The following SLC6A6 variants were observed in gnomAD, a reference collection of about 807,000 sequenced individuals.
The protein encoded by SLC6A6 is solute carrier family 6 member 6.
Under a neutral mutation model 68.8 loss-of-function variants are expected in SLC6A6, and 16 were observed. The observed-to-expected ratio is 0.23, with a 90% confidence interval of 0.16 to 0.35. The LOEUF is 0.35. Among genes scored for constraint, SLC6A6 ranks in the 10% least tolerant of loss-of-function variants. The pLI, the probability that SLC6A6 is intolerant of heterozygous loss-of-function variation, is 1.00. For synonymous variants in SLC6A6, 312 were observed against 315.4 expected, an observed-to-expected ratio of 0.99 and a Z score of 0.12; for missense variants, 474 against 802.8, an observed-to-expected ratio of 0.59 and a Z score of 4.95.
chr3:14,464,388 A>AAAATG, intron 6 of SLC6A6, among the ~76,000 whole-genome samples: 1 of 152,278 alleles, frequency 6.6e-6, no homozygotes, highest in South Asian at 2.1e-4. Flanking sequence ...TTATTGTTGC[A>AAAATG]AAATGGAGAT....
At chr3:14,432,655 C>T (rs1177439091) in intron 2 of SLC6A6, 1 of 152,616 alleles carries the variant, frequency 6.6e-6, no homozygotes, top group Non-Finnish European at 1.5e-5. Context: ...ACCCCAAAAC[C>T]CCAGCCTTAA....
chr3:14,477,054 C>A lies in SLC6A6; in HGVS notation c.1210-151C>A. On this transcript the variant is annotated intron_variant, in intron 10 of 14. Coordinates refer to ENST00000622186, the MANE Select transcript of SLC6A6 (RefSeq NM_003043.6). The surrounding 1 kb of genome is among the most constrained non-coding windows in gnomAD (Gnocchi z 4.2). ...CACAGTCAGGGAGGCCAGGCTTCCA[C>A]ACTTGGACTTGATCTCACAGGCCAA... is the stretch of plus-strand genomic sequence containing the variant. The A allele has an allele frequency of 1.5e-6, 1 of 688,520 alleles. No homozygotes were observed. The highest frequency in any genetic ancestry group is 2.5e-6 in the Non-Finnish European group (1 of 405,888). The allele number at this position is 688,520 out of a possible 1,614,324, so 42.7% of individuals were successfully genotyped here.
rs958206058 is a variant in SLC6A6, at chr3:14,477,912, G to C, written c.1348-554G>C. Among the ~76,000 whole-genome samples the C allele has an allele frequency of 6.6e-6, 1 of 152,152 alleles. No individual in the cohort carries two copies. Among genetic ancestry groups the C allele is most frequent in the African/African-American group, 2.4e-5 (1 of 41,426 alleles). ...AACGGGAACGTCTAAGACGTGTCTA[G>C]CAAGAGGCAAGCCAGATGAGATAAA... is the stretch of plus-strand genomic sequence containing the variant. On this transcript the variant is annotated intron_variant, in intron 11 of 14. Coordinates refer to ENST00000622186, the MANE Select transcript of SLC6A6 (RefSeq NM_003043.6). The surrounding 1 kb of genome is among the most constrained non-coding windows in gnomAD (Gnocchi z 4.2).
At chr3:14,474,597 G>T (rs1164001139) in intron 10 of SLC6A6, among the ~76,000 whole-genome samples, 1 of 152,152 alleles carries the variant, frequency 6.6e-6, no homozygotes, top group Non-Finnish European at 1.5e-5. Context: ...CTGCAGTGTT[G>T]CAATGCCTGG....
chr3:14,406,980 C>T (rs1699123635), intron 1 of SLC6A6, among the ~76,000 whole-genome samples: 1 of 151,994 alleles, frequency 6.6e-6, no homozygotes, highest in African/African-American at 2.4e-5. Context: ...ACTCCCAGGC[C>T]CAGCCTGGAC....
At chr3:14,412,607 G>C (rs1292876920) in intron 1 of SLC6A6, among the ~76,000 whole-genome samples, 1 of 152,188 alleles carries the variant, frequency 6.6e-6, no homozygotes, top group Non-Finnish European at 1.5e-5. Flanking sequence ...ATTGTACTGA[G>C]CTGAGATCGT....
chr3:14,441,462 G>A (rs555105359), intron 2 of SLC6A6, among the ~76,000 whole-genome samples: 3 of 152,308 alleles, frequency 2.0e-5, no homozygotes, highest in Non-Finnish European at 4.4e-5. Flanking sequence ...AGAGAAAGGC[G>A]GCGCGGATGC....
chr3:14,471,063 A>G (rs1328519160), intron 9 of SLC6A6, among the ~76,000 whole-genome samples: 1 of 143,798 alleles, frequency 7.0e-6, no homozygotes, highest in Non-Finnish European at 1.5e-5. Context: ...TTCTTGAGCC[A>G]TTCGTCTGGT....
rs1263072666 is a variant in SLC6A6, at chr3:14,468,274, G to T, written c.1096+62G>T. On this transcript the variant is annotated intron_variant, in intron 9 of 14. Transcript: ENST00000622186. The surrounding 1 kb of genome is among the most constrained non-coding windows in gnomAD (Gnocchi z 4.5). ...CCACCTAGTGTGTAAGCCAAGTACT[G>T]CAGGCATGAAGCCAGACCCCAGGGG... 1.3e-6 allele frequency: 2 copies of T among 1,513,792 alleles called. No individual in the cohort carries two copies. The highest frequency in any genetic ancestry group is 2.3e-5 in the East Asian group (1 of 43,734). The allele number at this position is 1,513,792 out of a possible 1,614,324, so 93.8% of individuals were successfully genotyped here. A position where few individuals can be genotyped will look rare whatever the true frequency, so the allele number is the denominator to read the frequency against.
intron 6 of SLC6A6, 85 bp downstream of exon 6, chr3:14,458,167 C>T: frequency 1.5e-6 from 2 of 1,299,624 alleles, no homozygotes; most frequent in East Asian, 2.3e-5. Context: ...TGCAATTAGC[C>T]ACGCCCCAAG....
chr3:14,467,905 G>C lies in SLC6A6; in HGVS notation c.920G>C (p.Gly307Ala), dbSNP rs1256837057. ...QIFFSYAICL[G>A]AMTSLGSYNK... ...TTCTTCTCTTATGCCATCTGCCTGGGGGCTATGACCTCGCTGGGGAGCTAC... is the reference window on the plus strand; with the variant it reads ...TTCTTCTCTTATGCCATCTGCCTGGCGGCTATGACCTCGCTGGGGAGCTAC... The change falls in exon 8 of 15, where the codon GGG becomes GCG. Residue 307 changes from glycine to alanine, a missense_variant. By Grantham distance (60) the Gly-to-Ala change is moderately conservative. Transcript: ENST00000622186. 1.2e-6 allele frequency: 2 copies of C among 1,613,858 alleles called. No homozygotes were observed. Among genetic ancestry groups the C allele is most frequent in the Non-Finnish European group, 1.7e-6 (2 of 1,179,924 alleles).
At chr3:14,409,045 T>A (rs1284337025) in intron 1 of SLC6A6, among the ~76,000 whole-genome samples, 1 of 152,208 alleles carries the variant, frequency 6.6e-6, no homozygotes, top group Non-Finnish European at 1.5e-5. Flanking sequence ...CCTGACCTGG[T>A]GATCTGCCCG....
chr3:14,464,215 C>T (rs566658579), intron 6 of SLC6A6, among the ~76,000 whole-genome samples: 27 of 152,278 alleles, frequency 1.8e-4, no homozygotes, highest in African/African-American at 6.3e-4. Flanking sequence ...ACCTGAGGGC[C>T]TCCCTACTGG....
At chr3:14,443,534 C>T (rs560169503) in intron 2 of SLC6A6, 90 bp from the exon 3 acceptor site, 20 of 930,724 alleles carry the variant, frequency 2.1e-5, no homozygotes, top group South Asian at 1.7e-4. Flanking sequence ...AGGTGGGAGC[C>T]GGCTCGTGGA....
intron 1 of SLC6A6, among the ~76,000 whole-genome samples, chr3:14,408,052 G>C (rs957423390): frequency 2.0e-5 from 3 of 152,062 alleles, no homozygotes; most frequent in African/African-American, 7.2e-5. Flanking sequence ...CAGCTGGGGG[G>C]CAGCTATTAC....
At chr3:14,420,304 G>A (rs544350666) in intron 2 of SLC6A6, among the ~76,000 whole-genome samples, 5 of 152,212 alleles carry the variant, frequency 3.3e-5, no homozygotes, top group South Asian at 2.1e-4. Context: ...GTGATGGTGC[G>A]CACCTGTAGT....
chr3:14,411,579 G>T (rs995987841), intron 1 of SLC6A6, among the ~76,000 whole-genome samples: 3 of 152,198 alleles, frequency 2.0e-5, no homozygotes, highest in African/African-American at 4.8e-5. Flanking sequence ...TTATACCCAT[G>T]CACTTGACTG....
chr3:14,457,540 C>T (rs1409658166), intron 5 of SLC6A6, among the ~76,000 whole-genome samples: 1 of 152,192 alleles, frequency 6.6e-6, no homozygotes, highest in East Asian at 1.9e-4. Context: ...GGAAAGTTGG[C>T]TAACTTCGTT....
intron 5 of SLC6A6, among the ~76,000 whole-genome samples, chr3:14,449,697 T>G (rs1406067284): frequency 6.6e-6 from 1 of 152,222 alleles, no homozygotes; most frequent in East Asian, 1.9e-4. Context: ...AGGATGGCCC[T>G]GACTGCATGA....
Sources: gnomAD v4.1 joint callset for allele counts (sites outside exome capture counted in the v4.1 genomes callset) on GRCh38, gnomAD v4.1.1 for gene constraint, Gnocchi (gnomAD v3.1) non-coding constraint, MANE v1.5 for transcripts, NCBI Gene and HGNC (gene_info 2026-07-23, HGNC 2026-07-21) for gene names.